Variants in CCND1 observed in about 807,000 individuals in gnomAD.
The protein encoded by CCND1 is G1/S-specific cyclin-D1.
A neutral mutation model predicts 26.1 loss-of-function variants in CCND1; 9 were observed. The observed-to-expected ratio is 0.35, with a 90% CI of 0.21 to 0.60. The LOEUF (loss-of-function observed/expected upper bound fraction) is 0.60, where lower values mean the gene tolerates loss of function less well. Ranked by LOEUF, CCND1 falls within the 20% of genes least tolerant of loss-of-function variation. CCND1 has a pLI of 0.79. For missense variants in CCND1, 335 were observed against 392.9 expected, an observed-to-expected ratio of 0.85 and a Z score of 1.25; for synonymous variants, 194 against 166.1, an observed-to-expected ratio of 1.17 and a Z score of -1.29.
rs750374012 is a variant in CCND1, at chr11:69,644,070, A to G, written c.574+79A>G. 4 of 1,412,914 alleles carry G rather than the reference A, an allele frequency of 2.8e-6. No homozygotes were observed. In the East Asian group the frequency reaches 9.2e-5, roughly 33 times the overall value. The allele number at this position is 1,412,914 out of a possible 1,614,324, so 87.5% of individuals were successfully genotyped here. On this transcript the variant is annotated intron_variant, in intron 3 of 4. Transcript: ENST00000227507. ...GACCCTGGCCGGCTTCTTGCTCTCC[A>G]CCTGGGTGCTGTCTGGGAAGATGTC...
chr11:69,645,564 G>A (rs1565071942), intron 3 of CCND1, among the ~76,000 whole-genome samples: 1 of 152,174 alleles, frequency 6.6e-6, no homozygotes, highest in African/African-American at 2.4e-5. Flanking sequence ...CCGAGGGAGG[G>A]GCAGGAGACC....
chr11:69,641,569 C>G, intron 1 of CCND1, 58 bp downstream of exon 1: 1 of 1,532,396 alleles, frequency 6.5e-7, no homozygotes, highest in Non-Finnish European at 9.0e-7. Context: ...CCCAGACCCA[C>G]GTTTCTTTGC....
chr11:69,642,002 T>G (rs1437769464), intron 1 of CCND1, among the ~76,000 whole-genome samples: 5 of 151,104 alleles, frequency 3.3e-5, no homozygotes, highest in Non-Finnish European at 7.4e-5. Flanking sequence ...CAAAAGTGTT[T>G]ATTAATAATT....
chr11:69,643,550 C>T (rs1352034904), intron 2 of CCND1, among the ~76,000 whole-genome samples: 1 of 152,258 alleles, frequency 6.6e-6, no homozygotes, highest in African/African-American at 2.4e-5. Flanking sequence ...GGCGCTGAGC[C>T]TCCAGTTCCA....
intron 3 of CCND1, among the ~76,000 whole-genome samples, chr11:69,647,561 G>T (rs1291578418): frequency 6.6e-6 from 1 of 152,240 alleles, no homozygotes; most frequent in Non-Finnish European, 1.5e-5. Flanking sequence ...GCTGCTGGGG[G>T]GTGGCAGGTA....
chr11:69,651,915 C>G lies in CCND1; in HGVS notation c.*633C>G, dbSNP rs893320935. The G allele has an allele frequency of 1.3e-5, 3 of 233,016 alleles. No individual in the cohort carries two copies. Among genetic ancestry groups the G allele is most frequent in the Non-Finnish European group, 2.5e-5 (3 of 117,914 alleles). The allele number at this position is 233,016 out of a possible 1,614,324, so 14.4% of individuals were successfully genotyped here. ...TATATTCCGTAGGTAGATGTGTAAC[C>G]TCTTCACCTTATTCATGGCTGAAGT... On this transcript the variant is annotated 3_prime_UTR_variant, in exon 5 of 5. Transcript: ENST00000227507.
chr11:69,651,292 G>A lies in CCND1; in HGVS notation c.*10G>A, dbSNP rs2120121532. The A allele has an allele frequency of 6.8e-7, 1 of 1,465,132 alleles. No individual in the cohort carries two copies. The highest frequency in any genetic ancestry group is 1.5e-5 in the African/African-American group (1 of 68,946). 90.8% of individuals were successfully genotyped at this position (1,465,132 alleles called of 1,614,324 possible). A position where few individuals can be genotyped will look rare whatever the true frequency, so the allele number is the denominator to read the frequency against. ...GGACGTGGACATCTGAGGGCGCCAG[G>A]CAGGCGGGCGCCACCGCCACCCGCA... On this transcript the variant is annotated 3_prime_UTR_variant, in exon 5 of 5. Transcript: ENST00000227507.
intron 1 of CCND1, among the ~76,000 whole-genome samples, chr11:69,641,778 G>A (rs1161723204): frequency 1.3e-5 from 2 of 152,090 alleles, no homozygotes; most frequent in East Asian, 3.9e-4. Flanking sequence ...CAGTGCCAGG[G>A]GCACCCCAAT....
intron 3 of CCND1, chr11:69,644,309 GGTTT>G (rs2120096931): frequency 2.7e-6 from 1 of 376,708 alleles, no homozygotes. Context: ...TGCTGAAAGG[GGTTT>G]ACCTTGGCCA....
intron 3 of CCND1, among the ~76,000 whole-genome samples, chr11:69,645,029 A>G (rs1305505533): frequency 6.6e-6 from 1 of 152,224 alleles, no homozygotes; most frequent in Non-Finnish European, 1.5e-5. Context: ...CGCAGCCGGT[A>G]TTCCAGAATG....
chr11:69,641,616 G>T, intron 1 of CCND1, 105 bp downstream of exon 1: 1 of 1,152,976 alleles, frequency 8.7e-7, no homozygotes, highest in Non-Finnish European at 1.3e-6. Context: ...CTAGAACTTT[G>T]AAGTTTGCCG....
chr11:69,654,384 G>T lies in CCND1; in HGVS notation c.*3102G>T, dbSNP rs992776664. 3 of 701,402 alleles carry T rather than the reference G, an allele frequency of 4.3e-6. No individual in the cohort carries two copies. Among genetic ancestry groups the T allele is most frequent in the Non-Finnish European group, 5.2e-6 (2 of 384,248 alleles). 43.4% of individuals were successfully genotyped at this position (701,402 alleles called of 1,614,324 possible). On this transcript the variant is annotated 3_prime_UTR_variant, in exon 5 of 5. Transcript: ENST00000227507. The surrounding 1 kb of genome is among the most constrained non-coding windows in gnomAD (Gnocchi z 6.3). ...TGTGCATTTCTGGTTGCACCGCGGC[G>T]CTTCCCAGCACCAACATGTAACCGG...
At chr11:69,646,218 G>A (rs1474263990) in intron 3 of CCND1, among the ~76,000 whole-genome samples, 1 of 152,192 alleles carries the variant, frequency 6.6e-6, no homozygotes, top group Non-Finnish European at 1.5e-5. Context: ...GCCTCAATGA[G>A]AAGGTTTTCA....
At chr11:69,644,054 C>T (rs1855748245) in intron 3 of CCND1, 63 bp downstream of exon 3, 2 of 1,533,114 alleles carry the variant, frequency 1.3e-6, no homozygotes, top group African/African-American at 1.4e-5. Flanking sequence ...TGACCCTGGC[C>T]GGCTTCTTGC....
chr11:69,653,995 T>G lies in CCND1; in HGVS notation c.*2713T>G. On this transcript the variant is annotated 3_prime_UTR_variant, in exon 5 of 5. Coordinates refer to ENST00000227507, the MANE Select transcript of CCND1 (RefSeq NM_053056.3). ...TCAATGAAGCCAGCTCACAGTGCTG[T>G]GTGCCCCGGTCACCTAGCAAGCTGC... 1.7e-6 allele frequency: 1 copy of G among 597,120 alleles called. No homozygotes were observed. The highest frequency in any genetic ancestry group is 2.0e-5 in the South Asian group (1 of 50,106). The allele number at this position is 597,120 out of a possible 1,614,324, so 37.0% of individuals were successfully genotyped here.
At position 69,653,967 on chromosome 11, in the gene CCND1, A is replaced by T. The variant is rs1855889028; in HGVS notation, c.*2685A>T. The T allele has an allele frequency of 5.2e-6, 3 of 580,118 alleles. No individual in the cohort carries two copies. The highest frequency in any genetic ancestry group is 9.2e-6 in the Non-Finnish European group (3 of 326,244). The allele number at this position is 580,118 out of a possible 1,614,324, so 35.9% of individuals were successfully genotyped here. A position where few individuals can be genotyped will look rare whatever the true frequency, so the allele number is the denominator to read the frequency against. ...TAATGCTAATTTAAAGAGACTCCAA[A>T]TCTCAATGAAGCCAGCTCACAGTGC... On this transcript the variant is annotated 3_prime_UTR_variant, in exon 5 of 5. Coordinates refer to ENST00000227507, the MANE Select transcript of CCND1 (RefSeq NM_053056.3).
chr11:69,647,248 G>A (rs185078246), intron 3 of CCND1, among the ~76,000 whole-genome samples: 206 of 152,346 alleles, frequency 1.4e-3, no homozygotes, highest in African/African-American at 4.6e-3. Context: ...GGGCCCGGGT[G>A]GAGTTGGGGT....
At position 69,651,532 on chromosome 11, in the gene CCND1, C is replaced by T; in HGVS notation, c.*250C>T. ...AAAAAAAAATAGTATTTGCATAACC[C>T]TGAGCGGTGGGGGAGGAGGGTTGTG... On this transcript the variant is annotated 3_prime_UTR_variant, in exon 5 of 5. Coordinates refer to ENST00000227507, the MANE Select transcript of CCND1 (RefSeq NM_053056.3). 2.6e-6 allele frequency: 1 copy of T among 379,042 alleles called. No homozygotes were observed. The highest frequency in any genetic ancestry group is 4.7e-6 in the Non-Finnish European group (1 of 213,876). 23.5% of individuals were successfully genotyped at this position (379,042 alleles called of 1,614,324 possible).
rs1436559105 is a variant in CCND1 at position 69,654,316 on chromosome 11, G to A, written c.*3034G>A. The A allele has an allele frequency of 1.4e-6, 1 of 702,472 alleles. No homozygotes were observed. The highest frequency in any genetic ancestry group is 1.7e-5 in the African/African-American group (1 of 57,238). 43.5% of individuals were successfully genotyped at this position (702,472 alleles called of 1,614,324 possible). ...CACGGGGCACAGCGGAGTCTGTCCT[G>A]TGACGCGCAAGTCTGAGGGTCTGGG... On this transcript the variant is annotated 3_prime_UTR_variant, in exon 5 of 5. Transcript: ENST00000227507. This position sits in a 1 kb window ranked among gnomAD's most constrained non-coding sequence, Gnocchi z 6.3.
Sources: gnomAD v4.1 joint callset for allele counts (sites outside exome capture counted in the v4.1 genomes callset) on GRCh38, gnomAD v4.1.1 for gene constraint, Gnocchi (gnomAD v3.1) non-coding constraint, MANE v1.5 for transcripts, NCBI Gene and HGNC (gene_info 2026-07-23, HGNC 2026-07-21) for gene names.